Variants in CHST9 observed in about 807,000 individuals in gnomAD.
CHST9 encodes the protein GalNAc-4-sulfotransferase 2.
A neutral mutation model predicts 44.4 loss-of-function variants in CHST9; 41 were observed. The ratio of observed to expected loss-of-function variants is 0.92; its 90% CI spans 0.72 to 1.20. The LOEUF (loss-of-function observed/expected upper bound fraction) is 1.20, where lower values mean the gene tolerates loss of function less well. Among genes scored for constraint, CHST9 ranks in the 50% most tolerant of loss-of-function variants. The probability of loss-of-function intolerance (pLI) is 0.00; values close to 1 mark genes in which losing one functional copy is unlikely to be tolerated. For synonymous variants in CHST9, 171 were observed against 178.4 expected (o/e 0.96, Z 0.33); for missense variants, 504 against 516.5 (o/e 0.98, Z 0.23).
chr18:26,962,525 A>G (rs2056413786), intron 4 of CHST9, among the ~76,000 whole-genome samples: 1 of 152,014 alleles, frequency 6.6e-6, no homozygotes, highest in South Asian at 2.1e-4. Context: ...TCCTGCCCTA[A>G]AGTGATCCAC....
At chr18:26,978,831 T>A (rs1272423042) in intron 4 of CHST9, among the ~76,000 whole-genome samples, 4 of 152,168 alleles carry the variant, frequency 2.6e-5, no homozygotes, top group African/African-American at 9.7e-5. Context: ...TTCAAGGCAC[T>A]AATGCACTGA....
At chr18:26,968,753 T>C (rs947040484) in intron 4 of CHST9, among the ~76,000 whole-genome samples, 14 of 152,230 alleles carry the variant, frequency 9.2e-5, no homozygotes, top group African/African-American at 3.4e-4. Flanking sequence ...TACAATTATT[T>C]TGATGATTTC....
chr18:27,065,454 G>A (rs572378342), intron 2 of CHST9, among the ~76,000 whole-genome samples: 15 of 152,218 alleles, frequency 9.9e-5, no homozygotes, highest in African/African-American at 3.4e-4. Flanking sequence ...TAATTCTTTA[G>A]GAAAATTCCC....
intron 4 of CHST9, among the ~76,000 whole-genome samples, chr18:26,970,251 T>G (rs1349651611): frequency 2.6e-5 from 4 of 152,244 alleles, no homozygotes; most frequent in Non-Finnish European, 5.9e-5. Context: ...GTATTTTTGC[T>G]TATAGAATGA....
At position 26,971,960 on chromosome 18, in the gene CHST9, T is replaced by A. The variant is rs112335558; in HGVS notation, c.203-27594A>T. On this transcript the variant is annotated intron_variant, in intron 4 of 5. Coordinates refer to ENST00000618847, the MANE Select transcript of CHST9 (RefSeq NM_031422.6). The stretch of plus-strand genomic sequence containing the variant: ...ATAGGTAAGTAAATGGTAGAACATG[T>A]TAGAAGATGACAAGTATTATGGCGG... 4.3e-3 allele frequency among the ~76,000 whole-genome samples: 660 copies of A among 152,246 alleles called. 5 individuals carry two copies. The highest frequency in any genetic ancestry group is 0.015 in the African/African-American group (638 of 41,536).
intron 4 of CHST9, among the ~76,000 whole-genome samples, chr18:26,957,559 T>C (rs1056596352): frequency 1.7e-5 from 2 of 117,262 alleles, no homozygotes; most frequent in African/African-American, 5.9e-5. Flanking sequence ...TGTTTATAAC[T>C]ACACTGCAAA....
intron 2 of CHST9, among the ~76,000 whole-genome samples, chr18:27,109,885 G>A (rs1474016908): frequency 6.6e-6 from 1 of 152,098 alleles, no homozygotes; most frequent in Admixed American, 6.5e-5. Context: ...CCTTGGCACC[G>A]TGGAGAGAAG....
chr18:26,932,217 A>G (rs2055890989), intron 5 of CHST9, among the ~76,000 whole-genome samples: 1 of 152,244 alleles, frequency 6.6e-6, no homozygotes. Flanking sequence ...CTCCTGGACA[A>G]CAATGATATA....
chr18:27,028,589 C>T (rs2057307611), intron 3 of CHST9, among the ~76,000 whole-genome samples: 1 of 151,998 alleles, frequency 6.6e-6, no homozygotes, highest in Non-Finnish European at 1.5e-5. Context: ...GCTCAGTCGC[C>T]CAGGCTGGAG....
chr18:27,010,276 T>C (rs1267761384), intron 4 of CHST9, among the ~76,000 whole-genome samples: 2 of 152,204 alleles, frequency 1.3e-5, no homozygotes, highest in Admixed American at 1.3e-4. Context: ...TCTATGTTTT[T>C]TTCTCACTTC....
chr18:27,081,417 T>C (rs2143682266), intron 2 of CHST9, among the ~76,000 whole-genome samples: 1 of 152,276 alleles, frequency 6.6e-6, no homozygotes, highest in East Asian at 1.9e-4. Flanking sequence ...TTTTCTCAGA[T>C]GATGGTTTCT....
chr18:26,987,509 A>G (rs1356355601), intron 4 of CHST9, among the ~76,000 whole-genome samples: 1 of 152,242 alleles, frequency 6.6e-6, no homozygotes, highest in Non-Finnish European at 1.5e-5. Flanking sequence ...ACAATTGACT[A>G]AGCAAAAATA....
chr18:27,175,137 C>G (rs1405028692), intron 1 of CHST9, among the ~76,000 whole-genome samples: 1 of 151,898 alleles, frequency 6.6e-6, no homozygotes, highest in Non-Finnish European at 1.5e-5. Context: ...AAAATATAAA[C>G]CTTTAATTTA....
At chr18:27,140,427 A>G (rs867587365) in intron 2 of CHST9, among the ~76,000 whole-genome samples, 7 of 152,254 alleles carry the variant, frequency 4.6e-5, no homozygotes, top group Non-Finnish European at 8.8e-5. Context: ...TTTTATATGT[A>G]TGGTATTATT....
intron 4 of CHST9, among the ~76,000 whole-genome samples, chr18:26,985,803 T>C (rs1179748190): frequency 6.6e-6 from 1 of 152,208 alleles, no homozygotes; most frequent in Non-Finnish European, 1.5e-5. Context: ...ACAGTGCCTA[T>C]TCCTACCAAA....
chr18:27,021,889 C>T (rs1347120364), intron 4 of CHST9, among the ~76,000 whole-genome samples: 1 of 152,188 alleles, frequency 6.6e-6, no homozygotes, highest in Non-Finnish European at 1.5e-5. Context: ...CAATAATCAT[C>T]ACACACTACA....
chr18:27,114,678 G>A (rs2058304490), intron 2 of CHST9, among the ~76,000 whole-genome samples: 1 of 152,082 alleles, frequency 6.6e-6, no homozygotes, highest in Non-Finnish European at 1.5e-5. Context: ...CCTATTCTGG[G>A]CATTAATATA....
intron 5 of CHST9, among the ~76,000 whole-genome samples, chr18:26,924,337 G>A (rs1458620633): frequency 6.6e-6 from 1 of 152,070 alleles, no homozygotes; most frequent in Non-Finnish European, 1.5e-5. Flanking sequence ...AGAAGTAGCA[G>A]TTTTTATGGG....
chr18:26,934,452 T>C (rs2055947483), intron 5 of CHST9: 1 of 152,048 alleles, frequency 6.6e-6, no homozygotes, highest in Non-Finnish European at 1.5e-5. Flanking sequence ...GTCAGGATGG[T>C]CTCGATTTCC....
Sources: allele counts gnomAD v4.1 joint callset (sites outside exome capture counted in the v4.1 genomes callset), GRCh38; gene constraint gnomAD v4.1.1; transcripts MANE v1.5; gene names NCBI Gene and HGNC (gene_info 2026-07-23, HGNC 2026-07-21).